DCC: variants seen among roughly 807,000 people sequenced by gnomAD.
The protein encoded by DCC is netrin receptor DCC.
Under a neutral mutation model 172.5 loss-of-function variants are expected in DCC, and 58 were observed. The ratio of observed to expected loss-of-function variants is 0.34; its 90% CI spans 0.27 to 0.42. The LOEUF is 0.42. Ranked by LOEUF, DCC falls within the 10% of genes least tolerant of loss-of-function variation. The probability of loss-of-function intolerance (pLI) is 1.00; values close to 1 mark genes in which losing one functional copy is unlikely to be tolerated. For missense variants in DCC, 1,740 were observed against 1,791.0 expected (o/e 0.97, Z 0.51); for synonymous variants, 709 against 644.5 (o/e 1.10, Z -1.52).
chr18:52,380,525 C>G (rs1985540837), intron 1 of DCC, among the ~76,000 whole-genome samples: 1 of 152,046 alleles, frequency 6.6e-6, no homozygotes, highest in Middle Eastern at 3.2e-3. Flanking sequence ...CTCCATTCCC[C>G]ACTTTCGAAA....
At chr18:52,529,353 C>G (rs1240863732) in intron 1 of DCC, among the ~76,000 whole-genome samples, 1 of 152,152 alleles carries the variant, frequency 6.6e-6, no homozygotes, top group Non-Finnish European at 1.5e-5. Context: ...TGCAGTGGCA[C>G]GATCTCAGCT....
intron 1 of DCC, among the ~76,000 whole-genome samples, chr18:52,413,965 C>A (rs1374273141): frequency 6.6e-6 from 1 of 152,108 alleles, no homozygotes; most frequent in Non-Finnish European, 1.5e-5. Flanking sequence ...TGTATCTATG[C>A]TTAAAAATAG....
chr18:52,735,597 G>T (rs1173201213), intron 1 of DCC, among the ~76,000 whole-genome samples: 1 of 151,312 alleles, frequency 6.6e-6, no homozygotes, highest in Non-Finnish European at 1.5e-5. Flanking sequence ...GGTTCAAGAG[G>T]CTGTGGCAAA....
intron 2 of DCC, among the ~76,000 whole-genome samples, chr18:52,763,784 T>G (rs553226003): frequency 1.3e-5 from 2 of 152,236 alleles, no homozygotes; most frequent in South Asian, 4.1e-4. Context: ...ACTTATCTAC[T>G]TCCTGTCTTT....
In DCC at chr18:53,070,327, C is replaced by T. The variant is rs577572951; in HGVS notation, c.1261+4161C>T. ...TAAGGGCTTTTAAATACTTACCTCA[C>T]CCCAGGGCCAGAGGATGGACCCAAG... On this transcript the variant is annotated intron_variant, in intron 7 of 28. Transcript: ENST00000442544. Among the ~76,000 whole-genome samples, 21 of 152,210 alleles carry T rather than the reference C, an allele frequency of 1.4e-4. No individual in the cohort carries two copies. The East Asian group carries it at 3.9e-3, about 28-fold the overall frequency.
At chr18:52,945,075 C>T (rs2040520241) in intron 5 of DCC, among the ~76,000 whole-genome samples, 1 of 152,226 alleles carries the variant, frequency 6.6e-6, no homozygotes, top group South Asian at 2.1e-4. Context: ...CATATTGTGA[C>T]ATGCCATTTA....
intron 17 of DCC, among the ~76,000 whole-genome samples, chr18:53,396,672 A>T (rs1199534119): frequency 1.3e-5 from 2 of 152,190 alleles, no homozygotes; most frequent in Non-Finnish European, 2.9e-5. Context: ...TGGATTCTGG[A>T]AGCACTAAAA....
At chr18:53,518,956 G>GA (rs1158974211) in intron 27 of DCC, among the ~76,000 whole-genome samples, 2 of 151,670 alleles carry the variant, frequency 1.3e-5, no homozygotes, top group Non-Finnish European at 2.9e-5. Context: ...ATAATTTTAA[G>GA]AAAAAAATGA....
At chr18:53,068,004 T>C (rs2144096447) in intron 7 of DCC, among the ~76,000 whole-genome samples, 1 of 152,204 alleles carries the variant, frequency 6.6e-6, no homozygotes, top group South Asian at 2.1e-4. Flanking sequence ...AAAAATAAAA[T>C]AACTATAGAA....
chr18:53,041,575 A>T (rs2042169358), intron 5 of DCC, among the ~76,000 whole-genome samples: 1 of 151,936 alleles, frequency 6.6e-6, no homozygotes, highest in African/African-American at 2.4e-5. Context: ...GCTTGATGGG[A>T]ATAGTATTAA....
chr18:53,336,696 TAAAAA>T (rs1478426818), intron 14 of DCC, among the ~76,000 whole-genome samples: 2 of 152,062 alleles, frequency 1.3e-5, no homozygotes, highest in Non-Finnish European at 2.9e-5. Flanking sequence ...TACAAAAACA[TAAAAA>T]TAAAATAAGT....
intron 12 of DCC, among the ~76,000 whole-genome samples, chr18:53,219,943 A>G (rs888842327): frequency 1.3e-5 from 2 of 152,134 alleles, no homozygotes; most frequent in African/African-American, 4.8e-5. Context: ...GTATTATGGG[A>G]TAACTGCAGA....
intron 5 of DCC, among the ~76,000 whole-genome samples, chr18:53,063,064 T>G (rs2042518264): frequency 6.6e-6 from 1 of 151,738 alleles, no homozygotes; most frequent in African/African-American, 2.4e-5. Context: ...TTCCAAAAAG[T>G]GTTTCCTTTT....
intron 15 of DCC, among the ~76,000 whole-genome samples, chr18:53,341,496 G>C (rs1455586524): frequency 6.6e-6 from 1 of 152,150 alleles, no homozygotes; most frequent in Non-Finnish European, 1.5e-5. Flanking sequence ...AAGGTAAATT[G>C]GGATATGAAC....
chr18:52,387,579 C>G (rs1308158222), intron 1 of DCC, among the ~76,000 whole-genome samples: 3 of 95,372 alleles, frequency 3.1e-5, no homozygotes, highest in African/African-American at 9.7e-5. Flanking sequence ...TTGTTTCTTC[C>G]TTCCTTCCTT....
intron 1 of DCC, among the ~76,000 whole-genome samples, chr18:52,412,062 CCTAA>C (rs1254471776): frequency 3.9e-5 from 6 of 152,096 alleles, no homozygotes; most frequent in Admixed American, 2.0e-4. Context: ...CTTGTGCACA[CCTAA>C]CTCTTTTACC....
chr18:52,795,232 G>A (rs2037850380), intron 2 of DCC, among the ~76,000 whole-genome samples: 1 of 151,940 alleles, frequency 6.6e-6, no homozygotes, highest in Non-Finnish European at 1.5e-5. Flanking sequence ...TTGATAAAAT[G>A]CAGAATTAAA....
At chr18:53,465,159 T>A (rs908806871) in intron 24 of DCC, among the ~76,000 whole-genome samples, 1 of 151,934 alleles carries the variant, frequency 6.6e-6, no homozygotes, top group African/African-American at 2.4e-5. Flanking sequence ...TTAATTGATA[T>A]TTTCACTCTT....
chr18:53,347,168 G>A (rs927900749), intron 15 of DCC, among the ~76,000 whole-genome samples: 3 of 152,156 alleles, frequency 2.0e-5, no homozygotes, highest in Non-Finnish European at 4.4e-5. Flanking sequence ...GGCACAAAGT[G>A]GTGAGGGTTT....
Sources: allele counts gnomAD v4.1 joint callset (sites outside exome capture counted in the v4.1 genomes callset), GRCh38; gene constraint gnomAD v4.1.1; transcripts MANE v1.5; gene names NCBI Gene and HGNC (gene_info 2026-07-23, HGNC 2026-07-21).